Variants in PI4KA observed in about 807,000 individuals in gnomAD.
The protein encoded by PI4KA is PI4-kinase alpha.
In PI4KA, 122 loss-of-function variants were observed where a neutral mutation model predicts 271.4. The ratio of observed to expected loss-of-function variants is 0.45; its 90% confidence interval spans 0.39 to 0.52. The LOEUF is 0.52. PI4KA is among the 20% of genes least tolerant of loss of function. The pLI is 0.00. For missense variants in PI4KA, 1,969 were observed against 2,769.1 expected, an observed-to-expected ratio of 0.71 and a Z score of 6.48; for synonymous variants, 1,041 against 1,078.8, an observed-to-expected ratio of 0.96 and a Z score of 0.69.
Position 20,729,504 on chromosome 22 carries a change from G to A in PI4KA, c.4491C>T (p.Ala1497=). ...KRRTLLLSLL[A]TEIERLITWY... ...ATGTGATGAGACGCTCGATCTCAGT[G>A]GCCTGGCAAGATAAGACATAAGGCC... is the stretch of plus-strand genomic sequence containing the variant. The change falls in exon 39 of 55, where the codon GCC becomes GCT. Residue 1497 remains alanine, a splice_region_variant and synonymous_variant. Transcript: ENST00000255882. 1 of 1,586,778 alleles carries A rather than the reference G, an allele frequency of 6.3e-7. No homozygotes were observed. Among genetic ancestry groups the A allele is most frequent in the Non-Finnish European group, 8.6e-7 (1 of 1,165,404 alleles).
chr22:20,819,996 C>T (rs1922418789), intron 5 of PI4KA, 96 bp from the exon 6 acceptor site: 5 of 1,064,112 alleles, frequency 4.7e-6, no homozygotes, highest in Non-Finnish European at 7.0e-6. Flanking sequence ...GATTTCACAA[C>T]CCACCCACTA....
intron 36 of PI4KA, 56 bp from the exon 37 acceptor site, chr22:20,730,067 C>A: frequency 1.3e-6 from 2 of 1,592,524 alleles, no homozygotes; most frequent in South Asian, 1.1e-5. Context: ...AAAGGTACCA[C>A]AAAAAATAAA....
chr22:20,814,953 T>C (rs565653697), intron 7 of PI4KA, among the ~76,000 whole-genome samples: 1 of 151,768 alleles, frequency 6.6e-6, no homozygotes, highest in South Asian at 2.1e-4. Flanking sequence ...TCCCAGGAGT[T>C]TGAGACCAGC....
At chr22:20,726,400 C>A in intron 42 of PI4KA, 88 bp downstream of exon 42, 3 of 1,202,880 alleles carry the variant, frequency 2.5e-6, no homozygotes, top group Middle Eastern at 2.1e-4. Flanking sequence ...CTCTGAGGAG[C>A]CTGTGAGGGC....
At chr22:20,852,407 A>C (rs1313795931) in intron 1 of PI4KA, among the ~76,000 whole-genome samples, 1 of 152,200 alleles carries the variant, frequency 6.6e-6, no homozygotes, top group African/African-American at 2.4e-5. Context: ...CCTCGGAAGA[A>C]ATCAACATTG....
rs77022835 is a variant in PI4KA, at chr22:20,743,856, C to G, written c.3456+772G>C. On this transcript the variant is annotated intron_variant, in intron 30 of 54. Transcript: ENST00000255882. ...GATCATGAGGTCAGGAGATCAAGACCGTCCTGGCTAACACAGTGAAACCCC... is the reference window on the plus strand; with the variant it reads ...GATCATGAGGTCAGGAGATCAAGACGGTCCTGGCTAACACAGTGAAACCCC... 1.1e-4 allele frequency among the ~76,000 whole-genome samples: 16 copies of G among 152,050 alleles called. 1 individual carries two copies. In the East Asian group the frequency reaches 1.6e-3, roughly 15 times the overall value.
At chr22:20,805,227 T>C in intron 10 of PI4KA, 62 bp from the exon 11 acceptor site, 2 of 1,159,462 alleles carry the variant, frequency 1.7e-6, no homozygotes, top group Non-Finnish European at 2.5e-6. Flanking sequence ...CAGGCAGTGC[T>C]AGCAGCGGCT....
Position 20,721,334 on chromosome 22 carries a change from T to TA in PI4KA, c.5079dup (p.Asn1694Ter). ...TGGCCCTCTTCATCTAGATAAATGT[T>TA]AGTCTTCATGTTCCAGATGAACTGG... On this transcript the variant is annotated frameshift_variant, in exon 43 of 55. Coordinates refer to ENST00000255882, the MANE Select transcript of PI4KA (RefSeq NM_058004.4). LOFTEE classifies it high-confidence loss of function. 6.2e-7 allele frequency: 1 copy of TA among 1,613,960 alleles called. No individual in the cohort carries two copies. The highest frequency in any genetic ancestry group is 8.5e-7 in the Non-Finnish European group (1 of 1,179,844).
chr22:20,857,366 C>G (rs1258707407), intron 1 of PI4KA, among the ~76,000 whole-genome samples: 1 of 152,174 alleles, frequency 6.6e-6, no homozygotes, highest in Non-Finnish European at 1.5e-5. Flanking sequence ...ATGATAAAAT[C>G]AAATATGAGA....
chr22:20,725,744 A>G lies in PI4KA; in HGVS notation c.4995+744T>C, dbSNP rs530781602. On this transcript the variant is annotated intron_variant, in intron 42 of 54. Coordinates refer to ENST00000255882, the MANE Select transcript of PI4KA (RefSeq NM_058004.4). The stretch of plus-strand genomic sequence containing the variant: ...AACTCCATCTCTACAAAAAATACAA[A>G]AATTAGCTGGGCGTGGTCGCACACG... 4.0e-5 allele frequency: 12 copies of G among 302,934 alleles called. 1 individual carries two copies. Among genetic ancestry groups the G allele is most frequent in the African/African-American group, 2.6e-4 (12 of 45,968 alleles). 18.8% of individuals were successfully genotyped at this position (302,934 alleles called of 1,614,324 possible).
intron 23 of PI4KA, among the ~76,000 whole-genome samples, chr22:20,759,588 CA>C (rs1472510925): frequency 6.6e-6 from 1 of 151,010 alleles, no homozygotes; most frequent in African/African-American, 2.4e-5. Context: ...ATTTTTGAGA[CA>C]GAGTCTCACT....
chr22:20,749,366 T>A (rs955376340), intron 28 of PI4KA, among the ~76,000 whole-genome samples: 2 of 152,270 alleles, frequency 1.3e-5, no homozygotes, highest in Non-Finnish European at 2.9e-5. Context: ...AGGCAATTCT[T>A]TCCTCTCACA....
At chr22:20,833,663 T>TGG (rs1924498495) in intron 3 of PI4KA, among the ~76,000 whole-genome samples, 1 of 139,992 alleles carries the variant, frequency 7.1e-6, no homozygotes, top group African/African-American at 2.7e-5. Context: ...TTTTGTTTTT[T>TGG]TTTTTTTTTT....
At chr22:20,762,652 G>A (rs961327277) in intron 22 of PI4KA, among the ~76,000 whole-genome samples, 12 of 152,284 alleles carry the variant, frequency 7.9e-5, no homozygotes, top group East Asian at 3.9e-4. Flanking sequence ...TCTTCTAGCC[G>A]TACATGCTGG....
chr22:20,738,695 T>A (rs1182656094), intron 32 of PI4KA, among the ~76,000 whole-genome samples: 1 of 152,110 alleles, frequency 6.6e-6, no homozygotes, highest in East Asian at 1.9e-4. Flanking sequence ...TGAGGCCAGC[T>A]GAGCCACTGG....
intron 2 of PI4KA, among the ~76,000 whole-genome samples, chr22:20,836,054 A>AAAAACAAAACAAAACAAAACAAAAC (rs112102593): frequency 1.3e-4 from 19 of 149,334 alleles, no homozygotes; most frequent in African/African-American, 4.7e-4. Context: ...TCCATTTCAA[A>AAAAACAAAACAAAACAAAACAAAAC]AAAACAAAAC....
In PI4KA at chr22:20,824,355, C is replaced by T; in HGVS notation, c.427G>A (p.Ala143Thr). Residue 143 changes from alanine (A) to threonine (T), a missense_variant, in exon 4 of 55, where the codon GCC becomes ACC. By Grantham distance (58) the Ala-to-Thr change is moderately conservative. Transcript: ENST00000255882. Reference sequence around the variant, plus strand: ...TCCCTAAGTGAAGGATCCCTATAGGCCACATCAGACAGCAGAGTTACCAAG... The same window carrying T: ...TCCCTAAGTGAAGGATCCCTATAGGTCACATCAGACAGCAGAGTTACCAAG... Reference protein sequence around the residue: ...FCLVTLLSDVAYRDPSLRDEI... With the variant: ...FCLVTLLSDVTYRDPSLRDEI... 6.2e-7 allele frequency: 1 copy of T among 1,613,396 alleles called. No individual in the cohort carries two copies. Among genetic ancestry groups the T allele is most frequent in the Non-Finnish European group, 8.5e-7 (1 of 1,179,428 alleles).
rs143022709 is a variant in PI4KA at position 20,814,764 on chromosome 22, CAT to C, written c.857-1260_857-1259del. ...ATCCTGTATTAAAAAAAAAAAATGA[CAT>C]AGCAAATTTTATGTTATGTGTATTT... On this transcript the variant is annotated intron_variant, in intron 7 of 54. Transcript: ENST00000255882. Among the ~76,000 whole-genome samples the C allele has an allele frequency of 4.0e-3, 594 of 149,404 alleles. 2 individuals are homozygous for C. Among genetic ancestry groups the C allele is most frequent in the African/African-American group, 0.014 (570 of 40,658 alleles).
chr22:20,744,155 G>A (rs1929791807), intron 30 of PI4KA, among the ~76,000 whole-genome samples: 2 of 152,208 alleles, frequency 1.3e-5, no homozygotes, highest in South Asian at 4.1e-4. Context: ...TGGCACTGGT[G>A]AGGCTGGAAT....
Sources: allele counts gnomAD v4.1 joint callset (sites outside exome capture counted in the v4.1 genomes callset), GRCh38; gene constraint gnomAD v4.1.1; transcripts MANE v1.5; gene names NCBI Gene and HGNC (gene_info 2026-07-23, HGNC 2026-07-21).